GRIP1: variants seen among roughly 807,000 people sequenced by gnomAD.
GRIP1 encodes the protein glutamate receptor-interacting protein 1.
Under a neutral mutation model 129.9 loss-of-function variants are expected in GRIP1, and 45 were observed. That is an observed-to-expected ratio of 0.35 (90% CI 0.27 to 0.44). The LOEUF (loss-of-function observed/expected upper bound fraction) is 0.44, where lower values mean the gene tolerates loss of function less well. Ranked by LOEUF, GRIP1 falls within the 20% of genes least tolerant of loss-of-function variation. The probability of loss-of-function intolerance (pLI) is 1.00; values close to 1 mark genes in which losing one functional copy is unlikely to be tolerated. For synonymous variants in GRIP1, 530 were observed against 520.8 expected, an observed-to-expected ratio of 1.02 and a Z score of -0.24; for missense variants, 1,196 against 1,396.8, an observed-to-expected ratio of 0.86 and a Z score of 2.29.
chr12:66,774,172 T>G (rs1033454237), intron 1 of GRIP1, among the ~76,000 whole-genome samples: 1 of 152,198 alleles, frequency 6.6e-6, no homozygotes, highest in African/African-American at 2.4e-5. Flanking sequence ...ATACTCATTG[T>G]GTGACTAGGG....
chr12:66,755,284 T>A (rs1022505567), intron 1 of GRIP1, among the ~76,000 whole-genome samples: 1 of 152,202 alleles, frequency 6.6e-6, no homozygotes, highest in African/African-American at 2.4e-5. Context: ...TTTCATTGCA[T>A]TATGTGATAA....
chr12:67,053,328 C>T (rs2043378463), intron 1 of GRIP1, among the ~76,000 whole-genome samples: 1 of 152,148 alleles, frequency 6.6e-6, no homozygotes, highest in African/African-American at 2.4e-5. Flanking sequence ...CTCTTTCCTG[C>T]CCTATTGTTT....
chr12:66,418,243 A>T (rs2057679722), intron 15 of GRIP1, among the ~76,000 whole-genome samples: 1 of 152,218 alleles, frequency 6.6e-6, no homozygotes. Context: ...AACATGCAGA[A>T]GAAAAAAACT....
intron 1 of GRIP1, among the ~76,000 whole-genome samples, chr12:66,639,428 T>C (rs1437313191): frequency 6.6e-6 from 1 of 152,116 alleles, no homozygotes; most frequent in African/African-American, 2.4e-5. Context: ...GCACACAGCA[T>C]AGAACAGCAC....
At chr12:66,665,297 C>T (rs2033734164) in intron 1 of GRIP1, among the ~76,000 whole-genome samples, 1 of 152,170 alleles carries the variant, frequency 6.6e-6, no homozygotes, top group Non-Finnish European at 1.5e-5. Context: ...CGTGAGCTAA[C>T]ACAACCAACC....
At chr12:66,472,521 T>A (rs909861278) in intron 7 of GRIP1, among the ~76,000 whole-genome samples, 25 of 152,216 alleles carry the variant, frequency 1.6e-4, no homozygotes, top group Non-Finnish European at 1.0e-4. Flanking sequence ...TATTGAGTTA[T>A]CTGGTGGCTG....
At chr12:66,507,557 A>G (rs1370097313) in intron 7 of GRIP1, among the ~76,000 whole-genome samples, 1 of 152,190 alleles carries the variant, frequency 6.6e-6, no homozygotes, top group African/African-American at 2.4e-5. Context: ...TATAGCCAAG[A>G]TGCAGTTGTG....
intron 1 of GRIP1, among the ~76,000 whole-genome samples, chr12:66,928,311 G>C (rs181558899): frequency 7.9e-5 from 12 of 152,302 alleles, no homozygotes; most frequent in Non-Finnish European, 1.3e-4. Flanking sequence ...GACCCAGTCG[G>C]AGAGTAAAGC....
chr12:66,630,476 A>G (rs1285492152), intron 1 of GRIP1: 2 of 152,036 alleles, frequency 1.3e-5, no homozygotes, highest in Non-Finnish European at 2.9e-5. Context: ...TGGACTTTAG[A>G]GCTTGATTTG....
At chr12:66,446,979 C>T (rs1404299909) in intron 11 of GRIP1, among the ~76,000 whole-genome samples, 1 of 152,204 alleles carries the variant, frequency 6.6e-6, no homozygotes, top group Non-Finnish European at 1.5e-5. Flanking sequence ...TCTCACTTGT[C>T]TCCTGAGTCT....
intron 23 of GRIP1, among the ~76,000 whole-genome samples, chr12:66,357,283 C>T (rs989224634): frequency 3.5e-4 from 53 of 152,200 alleles, no homozygotes; most frequent in African/African-American, 1.2e-3. Context: ...GTGGTGGGTT[C>T]TCGTCCTTCC....
intron 1 of GRIP1, among the ~76,000 whole-genome samples, chr12:66,620,672 CT>C (rs976208345): frequency 2.0e-5 from 3 of 151,900 alleles, no homozygotes; most frequent in Admixed American, 6.6e-5. Flanking sequence ...CTTTCTTTTT[CT>C]TTTTTTTCTT....
chr12:66,488,847 A>G (rs765302916), intron 7 of GRIP1, among the ~76,000 whole-genome samples: 2 of 152,190 alleles, frequency 1.3e-5, no homozygotes, highest in Non-Finnish European at 2.9e-5. Flanking sequence ...AAACACCTCT[A>G]TGCACACAAA....
chr12:66,995,475 A>T (rs753081345), intron 1 of GRIP1, among the ~76,000 whole-genome samples: 3 of 152,174 alleles, frequency 2.0e-5, no homozygotes, highest in Non-Finnish European at 4.4e-5. Flanking sequence ...TCTAGAATGT[A>T]CAAAGAACTA....
intron 23 of GRIP1, among the ~76,000 whole-genome samples, chr12:66,361,769 G>A (rs575697921): frequency 6.6e-6 from 1 of 152,220 alleles, no homozygotes; most frequent in South Asian, 2.1e-4. Context: ...CTTGGCTCTG[G>A]CCTGGCCCTT....
At chr12:66,945,355 C>A (rs947650635) in intron 1 of GRIP1, among the ~76,000 whole-genome samples, 1 of 152,166 alleles carries the variant, frequency 6.6e-6, no homozygotes, top group Non-Finnish European at 1.5e-5. Context: ...AGAGCCTGCA[C>A]TAACCTGTTC....
chr12:66,855,100 A>G (rs536345696), intron 1 of GRIP1, among the ~76,000 whole-genome samples: 1 of 152,034 alleles, frequency 6.6e-6, no homozygotes, highest in African/African-American at 2.4e-5. Context: ...CGGAGAAACC[A>G]AACTAGTAAT....
intron 2 of GRIP1, among the ~76,000 whole-genome samples, chr12:66,574,561 G>A (rs1393512915): frequency 6.6e-6 from 1 of 152,190 alleles, no homozygotes; most frequent in African/African-American, 2.4e-5. Flanking sequence ...ACGTTTAACA[G>A]TTTTATAAAC....
In GRIP1 at chr12:66,748,530, G is replaced by T. The variant is rs1203224806; in HGVS notation, c.-420+55523C>A. On this transcript the variant is annotated intron_variant, in intron 1 of 4. Coordinates refer to the GRIP1 transcript ENST00000538373. ...CTTTCAGTACCAGTGTTAGTGGCAT[G>T]TATCTATCGTAAGTTCCAACTAACC... Among the ~76,000 whole-genome samples, 3 of 152,218 alleles carry T rather than the reference G, an allele frequency of 2.0e-5. No individual in the cohort carries two copies. In the East Asian group the frequency reaches 5.8e-4, roughly 29 times the overall value.
Sources: allele counts gnomAD v4.1 joint callset (sites outside exome capture counted in the v4.1 genomes callset), GRCh38; gene constraint gnomAD v4.1.1; transcripts MANE v1.5; gene names NCBI Gene and HGNC (gene_info 2026-07-23, HGNC 2026-07-21).